The following PKIB variants were observed in gnomAD, a reference collection of about 807,000 sequenced individuals.
The protein encoded by PKIB is cAMP-dependent protein kinase inhibitor beta, also known as PKI-beta.
In PKIB, 2 loss-of-function variants were observed where a neutral mutation model predicts 4.5. The ratio of observed to expected loss-of-function variants is 0.44; its 90% CI spans 0.18 to 1.39. PKIB has a LOEUF of 1.39. Ranked by LOEUF, PKIB falls within the 40% of genes most tolerant of loss-of-function variation. The probability of loss-of-function intolerance (pLI) is 0.27; values close to 1 mark genes in which losing one functional copy is unlikely to be tolerated. For missense variants in PKIB, 94 were observed against 92.6 expected, an observed-to-expected ratio of 1.02 and a Z score of -0.06; for synonymous variants, 38 against 36.0, an observed-to-expected ratio of 1.06 and a Z score of -0.20.
At position 122,584,618 on chromosome 6, in the gene PKIB, T is replaced by G. The variant is rs113993715; in HGVS notation, c.-247-1303T>G. Among the ~76,000 whole-genome samples, 779 of 152,266 alleles carry G rather than the reference T, an allele frequency of 5.1e-3. 11 individuals carry two copies. Among genetic ancestry groups the G allele is most frequent in the African/African-American group, 0.018 (738 of 41,550 alleles). ...ATGTCATGTAGACTTAAATACAGTTTTAATGAACAGAACTGAAGAAAAATT... is the reference window on the plus strand; with the variant it reads ...ATGTCATGTAGACTTAAATACAGTTGTAATGAACAGAACTGAAGAAAAATT... On this transcript the variant is annotated intron_variant, in intron 2 of 6. Coordinates refer to the PKIB transcript ENST00000392491.
intron 2 of PKIB, among the ~76,000 whole-genome samples, chr6:122,495,616 A>G (rs751354179): frequency 1.3e-5 from 2 of 152,042 alleles, no homozygotes; most frequent in Non-Finnish European, 2.9e-5. Flanking sequence ...TACCTACCCC[A>G]TTCCAACTCA....
intron 2 of PKIB, among the ~76,000 whole-genome samples, chr6:122,665,000 T>C (rs1777159198): frequency 6.6e-6 from 1 of 152,204 alleles, no homozygotes; most frequent in Admixed American, 6.5e-5. Context: ...CTAGAGTGAA[T>C]GGCAGCCATG....
chr6:122,643,543 T>C (rs941598562), intron 2 of PKIB: 1 of 152,238 alleles, frequency 6.6e-6, no homozygotes, highest in Non-Finnish European at 1.5e-5. Context: ...AAGTTTCAAG[T>C]TTCACTTAAT....
chr6:122,603,094 C>T (rs146091085), intron 3 of PKIB, among the ~76,000 whole-genome samples: 2,150 of 152,128 alleles, frequency 0.014, 52 homozygotes, highest in African/African-American at 0.05. Context: ...CTCCATCCAC[C>T]CCAACTCTGA....
chr6:122,631,935 C>T (rs1775720082), intron 1 of PKIB, among the ~76,000 whole-genome samples: 2 of 152,130 alleles, frequency 1.3e-5, no homozygotes, highest in South Asian at 2.1e-4. Context: ...GAAATATCTC[C>T]ACCACGTATA....
In PKIB at chr6:122,524,537, A is replaced by G. The variant is rs573908409; in HGVS notation, c.-248+46598A>G. Among the ~76,000 whole-genome samples, 3 of 152,178 alleles carry G rather than the reference A, an allele frequency of 2.0e-5. No homozygotes were observed. In the East Asian group the frequency reaches 5.8e-4, roughly 30 times the overall value. Reference sequence around the variant, plus strand: ...TTCCCTCCTCTTCAATTTTTTGGAAAAGTTTTAAAAGAATTGATGTTACAT... The same window carrying G: ...TTCCCTCCTCTTCAATTTTTTGGAAGAGTTTTAAAAGAATTGATGTTACAT... On this transcript the variant is annotated intron_variant, in intron 2 of 6. Transcript: ENST00000392491.
intron 3 of PKIB, among the ~76,000 whole-genome samples, chr6:122,587,463 T>C (rs1773884547): frequency 6.6e-6 from 1 of 152,196 alleles, no homozygotes; most frequent in South Asian, 2.1e-4. Context: ...TCTTTGCTAT[T>C]GTGAATAGTG....
At chr6:122,710,775 T>C (rs561652746) in intron 3 of PKIB, among the ~76,000 whole-genome samples, 1 of 152,258 alleles carries the variant, frequency 6.6e-6, no homozygotes, top group South Asian at 2.1e-4. Flanking sequence ...CTTTGCAGAG[T>C]TGGTGTTACA....
intron 1 of PKIB, among the ~76,000 whole-genome samples, chr6:122,477,252 T>C (rs189539979): frequency 2.6e-4 from 39 of 152,330 alleles, no homozygotes; most frequent in African/African-American, 9.1e-4. Context: ...TGCAGGTCTG[T>C]AAGCTGAAGG....
chr6:122,524,136 TTCC>T (rs1471187596), intron 2 of PKIB, among the ~76,000 whole-genome samples: 3 of 151,168 alleles, frequency 2.0e-5, no homozygotes, highest in African/African-American at 7.3e-5. Flanking sequence ...CTCCTCCTCC[TTCC>T]TCCTCCTCCC....
intron 3 of PKIB, among the ~76,000 whole-genome samples, chr6:122,602,170 T>C (rs1406075523): frequency 1.3e-5 from 2 of 152,190 alleles, no homozygotes; most frequent in African/African-American, 2.4e-5. Context: ...CAGACATTAT[T>C]ATCTCCCTAA....
chr6:122,610,734 A>G (rs1774718271), intron 1 of PKIB, among the ~76,000 whole-genome samples, 199 bp downstream of exon 1: 1 of 152,182 alleles, frequency 6.6e-6, no homozygotes, highest in Non-Finnish European at 1.5e-5. Context: ...CCATCGTTTA[A>G]CTCACAAGTC....
At chr6:122,705,024 C>G (rs928107240) in intron 3 of PKIB, among the ~76,000 whole-genome samples, 17 of 152,012 alleles carry the variant, frequency 1.1e-4, no homozygotes, top group Non-Finnish European at 1.9e-4. Context: ...TCACTGCACT[C>G]CAGTCTGGGA....
At chr6:122,619,300 A>C (rs1978659) in intron 1 of PKIB, among the ~76,000 whole-genome samples, 1 of 152,160 alleles carries the variant, frequency 6.6e-6, no homozygotes, top group Admixed American at 6.5e-5. Flanking sequence ...GTATTCACCT[A>C]CATTTGCTTT....
chr6:122,686,741 A>T lies in PKIB; in HGVS notation c.-9+11597A>T, dbSNP rs1382387043. 2.0e-5 allele frequency among the ~76,000 whole-genome samples: 3 copies of T among 152,186 alleles called. No individual in the cohort carries two copies. The East Asian group carries it at 5.8e-4, about 29-fold the overall frequency. On this transcript the variant is annotated intron_variant, in intron 3 of 4. Transcript: ENST00000368452. ...TGTGCAGAAGTGATTCTCCTGCCTC[A>T]GCCTCCCAAAGTGCTGGGATTACAG... is the stretch of plus-strand genomic sequence containing the variant.
intron 1 of PKIB, among the ~76,000 whole-genome samples, chr6:122,617,787 G>A (rs995576551): frequency 5.3e-5 from 8 of 152,038 alleles, no homozygotes; most frequent in African/African-American, 1.9e-4. Context: ...CATAAGGACT[G>A]TTAAAAAGAT....
Position 122,584,498 on chromosome 6 carries a change from A to C in PKIB, c.-247-1423A>C, listed in dbSNP as rs74812535. The stretch of plus-strand genomic sequence containing the variant: ...TTAGAGGCCTGTAATATACTGACTA[A>C]CTACCTAGTGGGATTCTTTTCCACT... On this transcript the variant is annotated intron_variant, in intron 2 of 6. Coordinates refer to the PKIB transcript ENST00000392491. Among the ~76,000 whole-genome samples, 310 of 152,254 alleles carry C rather than the reference A, an allele frequency of 2.0e-3. 7 individuals carry two copies. In the East Asian group the frequency reaches 0.042, roughly 20 times the overall value.
chr6:122,517,452 C>T (rs944591777), intron 2 of PKIB, among the ~76,000 whole-genome samples: 2 of 152,108 alleles, frequency 1.3e-5, no homozygotes, highest in East Asian at 1.9e-4. Context: ...TCACCTTTGC[C>T]TTCTAAAAAG....
intron 2 of PKIB, among the ~76,000 whole-genome samples, chr6:122,486,690 A>G (rs926066821): frequency 6.6e-5 from 10 of 151,978 alleles, no homozygotes; most frequent in Non-Finnish European, 8.8e-5. Flanking sequence ...GCTTTATGGT[A>G]TTCTAGTTAG....
Sources: gnomAD v4.1 joint callset for allele counts (sites outside exome capture counted in the v4.1 genomes callset) on GRCh38, gnomAD v4.1.1 for gene constraint, MANE v1.5 for transcripts, NCBI Gene and HGNC (gene_info 2026-07-23, HGNC 2026-07-21) for gene names.